The following SORL1 variants were observed in gnomAD, a reference collection of about 807,000 sequenced individuals.
SORL1 encodes the protein sortilin-related receptor.
A neutral mutation model predicts 273.7 loss-of-function variants in SORL1; 127 were observed. The observed-to-expected ratio is 0.46, with a 90% CI of 0.40 to 0.54. SORL1 has a LOEUF of 0.54. Among genes scored for constraint, SORL1 ranks in the 20% least tolerant of loss-of-function variants. The pLI, the probability that SORL1 is intolerant of heterozygous loss-of-function variation, is 0.00. For missense variants in SORL1, 2,494 were observed against 2,846.1 expected, an observed-to-expected ratio of 0.88 and a Z score of 2.81; for synonymous variants, 1,031 against 1,067.4, an observed-to-expected ratio of 0.97 and a Z score of 0.66.
intron 6 of SORL1, among the ~76,000 whole-genome samples, chr11:121,507,112 T>C (rs1159422448): frequency 1.3e-5 from 2 of 152,344 alleles, no homozygotes; most frequent in Middle Eastern, 3.4e-3. Flanking sequence ...GCTTTTGTGC[T>C]ATTATTGTTT....
At chr11:121,462,424 G>A (rs1023524790) in intron 1 of SORL1, among the ~76,000 whole-genome samples, 4 of 152,180 alleles carry the variant, frequency 2.6e-5, no homozygotes. Context: ...TCAGTACATA[G>A]GTCAGGTCTT....
chr11:121,485,465 C>T (rs560999899), intron 3 of SORL1, among the ~76,000 whole-genome samples: 5 of 152,270 alleles, frequency 3.3e-5, no homozygotes, highest in East Asian at 3.9e-4. Flanking sequence ...GAGTGTATAA[C>T]GGTAATATCC....
chr11:121,510,273 A>G (rs111564791), intron 6 of SORL1, among the ~76,000 whole-genome samples: 4 of 152,248 alleles, frequency 2.6e-5, no homozygotes, highest in Non-Finnish European at 5.9e-5. Flanking sequence ...TCAGTTTAGA[A>G]CTATATTAGG....
rs775773838 is a variant in SORL1, at chr11:121,567,119, T to G, written c.3223+6T>G. ...CAATACCTGTGTCAAACAAGGTACT[T>G]CCCTTTTTCTTTTTTGCCTGTCATC... is the stretch of plus-strand genomic sequence containing the variant. On this transcript the variant is annotated splice_donor_region_variant and intron_variant, in intron 22 of 47. Transcript: ENST00000260197. 6.2e-7 allele frequency: 1 copy of G among 1,608,118 alleles called. No individual in the cohort carries two copies. The highest frequency in any genetic ancestry group is 1.1e-5 in the South Asian group (1 of 90,424).
intron 27 of SORL1, 98 bp from the exon 28 acceptor site, chr11:121,587,922 C>A: frequency 6.9e-7 from 1 of 1,444,230 alleles, no homozygotes; most frequent in South Asian, 1.2e-5. Flanking sequence ...CTGTTGCTTC[C>A]TGAAGCCACA....
intron 8 of SORL1, among the ~76,000 whole-genome samples, chr11:121,520,321 T>C (rs1308243953): frequency 6.6e-6 from 1 of 152,222 alleles, no homozygotes; most frequent in African/African-American, 2.4e-5. Context: ...GAAAGCATTA[T>C]GCTAAGTGAA....
In SORL1 at chr11:121,525,882, G is replaced by A. The variant is rs372826990; in HGVS notation, c.1596+2893G>A. ...CTTGTCTCTACAAAAAATAAAAATA[G>A]CCAGGCATGGTGGTGCATGCCTGTA... On this transcript the variant is annotated intron_variant, in intron 11 of 47. Coordinates refer to ENST00000260197, the MANE Select transcript of SORL1 (RefSeq NM_003105.6). Among the ~76,000 whole-genome samples the A allele has an allele frequency of 6.6e-4, 100 of 152,220 alleles. 3 individuals are homozygous for A. The Middle Eastern group carries it at 0.01, about 16-fold the overall frequency.
At chr11:121,457,914 T>C (rs753588666) in intron 1 of SORL1, among the ~76,000 whole-genome samples, 3 of 152,262 alleles carry the variant, frequency 2.0e-5, no homozygotes, top group Non-Finnish European at 4.4e-5. Flanking sequence ...CAGATCCTTA[T>C]AGCAACGAAC....
chr11:121,514,307 T>C lies in SORL1; in HGVS notation c.1197T>C (p.Ser399=). 3.7e-6 allele frequency: 6 copies of C among 1,613,790 alleles called. No homozygotes were observed. The highest frequency in any genetic ancestry group is 5.1e-6 in the Non-Finnish European group (6 of 1,179,926). Residue 399 remains serine (S), a synonymous_variant, in exon 8 of 48, where the codon AGT becomes AGC. Transcript: ENST00000260197. ...VLYYSPGGAG[S]DTLVRYFANE... Reference sequence around the variant, plus strand: ...ATTACAGCCCAGGAGGGGCCGGCAGTGACACCTTGGTGAGGTAAGGAGACT... The same window carrying C: ...ATTACAGCCCAGGAGGGGCCGGCAGCGACACCTTGGTGAGGTAAGGAGACT...
intron 6 of SORL1, among the ~76,000 whole-genome samples, chr11:121,506,532 A>G (rs933350642): frequency 6.6e-6 from 1 of 152,222 alleles, no homozygotes; most frequent in Non-Finnish European, 1.5e-5. Context: ...GAGAACAGTG[A>G]TAACACTATC....
chr11:121,574,168 T>C, intron 23 of SORL1, 73 bp from the exon 24 acceptor site: 1 of 1,457,980 alleles, frequency 6.9e-7, no homozygotes, highest in Non-Finnish European at 9.6e-7. Context: ...TAATTGGTTT[T>C]CCAGTAGGAT....
At chr11:121,462,703 G>C (rs1025482891) in intron 1 of SORL1, among the ~76,000 whole-genome samples, 3 of 152,134 alleles carry the variant, frequency 2.0e-5, no homozygotes, top group Non-Finnish European at 4.4e-5. Flanking sequence ...TCCCACCTCA[G>C]ACTCCCTAGT....
chr11:121,598,488 A>T (rs1304574955), intron 32 of SORL1, among the ~76,000 whole-genome samples: 1 of 152,218 alleles, frequency 6.6e-6, no homozygotes, highest in East Asian at 1.9e-4. Flanking sequence ...TGACATCAGC[A>T]TCTGAGGTAG....
At position 121,596,870 on chromosome 11, in the gene SORL1, A is replaced by G. The variant is rs905599701; in HGVS notation, c.4519+1098A>G. Among the ~76,000 whole-genome samples, 2 of 152,102 alleles carry G rather than the reference A, an allele frequency of 1.3e-5. No individual in the cohort carries two copies. Among genetic ancestry groups the G allele is most frequent in the African/African-American group, 4.8e-5 (2 of 41,420 alleles). On this transcript the variant is annotated intron_variant, in intron 32 of 47. Transcript: ENST00000260197. This position sits in a 1 kb window ranked among gnomAD's most constrained non-coding sequence, Gnocchi z 4.3. ...AAAATAATGACTTCCTCAACCAATG[A>G]AAAACTGAGCCTCACTTGGAATCCT...
Position 121,567,013 on chromosome 11 carries a change from G to C in SORL1, c.3123G>C (p.Arg1041Ser), listed in dbSNP as rs1165471216. Residue 1041 changes from arginine (R) to serine (S), a missense_variant, in exon 22 of 48, where the codon AGG becomes AGC. This residue lies in a region of SORL1 where 1,609 missense variants were observed against 1,816.4 expected (regional missense o/e 0.89). Coordinates refer to ENST00000260197, the MANE Select transcript of SORL1 (RefSeq NM_003105.6). ...AGGCCAACAACAGTAGAAGCTGCAG[G>C]TGTCCAGAGGATGTGTCCAGCAGTG... ...LPKANNSRSC[R>S]CPEDVSSSVL... 3.7e-6 allele frequency: 6 copies of C among 1,614,090 alleles called. No homozygotes were observed. In the Admixed American group the frequency reaches 5.0e-5, roughly 13 times the overall value.
chr11:121,469,422 C>T (rs549397027), intron 1 of SORL1, among the ~76,000 whole-genome samples: 4 of 152,264 alleles, frequency 2.6e-5, no homozygotes, highest in South Asian at 4.2e-4. Flanking sequence ...TTTATTTTAT[C>T]GGTTTACCAA....
In SORL1 at chr11:121,488,204, T is replaced by A; in HGVS notation, c.690+11T>A. Reference sequence around the variant, plus strand: ...CACCCCAACAAGCAGGTAAGAGGGCTTTCAGAACCCAGTTGCATGGGGCTC... The same window carrying A: ...CACCCCAACAAGCAGGTAAGAGGGCATTCAGAACCCAGTTGCATGGGGCTC... On this transcript the variant is annotated intron_variant, in intron 4 of 47. Coordinates refer to ENST00000260197, the MANE Select transcript of SORL1 (RefSeq NM_003105.6). 6.2e-7 allele frequency: 1 copy of A among 1,612,820 alleles called. No homozygotes were observed. The highest frequency in any genetic ancestry group is 8.5e-7 in the Non-Finnish European group (1 of 1,179,368).
chr11:121,581,421 A>G (rs1362183041), intron 25 of SORL1, among the ~76,000 whole-genome samples: 1 of 152,220 alleles, frequency 6.6e-6, no homozygotes, highest in Non-Finnish European at 1.5e-5. Flanking sequence ...TTAGATTTCC[A>G]CGATTGTTTA....
At chr11:121,565,340 C>T (rs1053199937) in intron 21 of SORL1, among the ~76,000 whole-genome samples, 1 of 152,204 alleles carries the variant, frequency 6.6e-6, no homozygotes. Context: ...TCCTTGGCAT[C>T]ATAATAACGT....
Sources: allele counts gnomAD v4.1 joint callset (sites outside exome capture counted in the v4.1 genomes callset), GRCh38; gene constraint gnomAD v4.1.1; regional missense constraint gnomAD v4.1.1; non-coding constraint Gnocchi (gnomAD v3.1); transcripts MANE v1.5; gene names NCBI Gene and HGNC (gene_info 2026-07-23, HGNC 2026-07-21).